The following SLC35F3 variants were observed in gnomAD, a reference collection of about 807,000 sequenced individuals.
SLC35F3 encodes the protein solute carrier family 35 member F3.
In SLC35F3, 25 loss-of-function variants were observed where a neutral mutation model predicts 49.9. The observed-to-expected ratio is 0.50, with a 90% CI of 0.37 to 0.70. SLC35F3 has a LOEUF of 0.70. Among genes scored for constraint, SLC35F3 ranks in the 30% least tolerant of loss-of-function variants. The pLI is 0.00. For synonymous variants in SLC35F3, 275 were observed against 265.4 expected (o/e 1.04, Z -0.35); for missense variants, 525 against 639.8 (o/e 0.82, Z 1.94).
intron 2 of SLC35F3, among the ~76,000 whole-genome samples, chr1:234,180,202 G>A (rs2102923154): frequency 6.6e-6 from 1 of 152,270 alleles, no homozygotes; most frequent in East Asian, 1.9e-4. Flanking sequence ...GGGGCTCTCT[G>A]ACTTCCCTCT....
At chr1:234,203,606 GA>G (rs1666930711) in intron 2 of SLC35F3, among the ~76,000 whole-genome samples, 1 of 152,092 alleles carries the variant, frequency 6.6e-6, no homozygotes, top group Admixed American at 6.5e-5. Context: ...AGCTTCTCAG[GA>G]GGCTGAGGCA....
intron 2 of SLC35F3, among the ~76,000 whole-genome samples, chr1:234,129,132 G>A (rs768056583): frequency 2.6e-5 from 4 of 152,162 alleles, no homozygotes; most frequent in East Asian, 1.9e-4. Flanking sequence ...AAGAAGGCAA[G>A]TAGAAGAAGA....
chr1:234,032,710 A>AT (rs1332501598), intron 2 of SLC35F3, among the ~76,000 whole-genome samples: 5 of 152,116 alleles, frequency 3.3e-5, no homozygotes, highest in Admixed American at 1.3e-4. Context: ...TGGCTGAGTT[A>AT]TTTTTTGTGG....
intron 2 of SLC35F3, among the ~76,000 whole-genome samples, chr1:233,909,362 T>C (rs1311651927): frequency 6.6e-6 from 1 of 152,176 alleles, no homozygotes; most frequent in African/African-American, 2.4e-5. Context: ...CAAATTATCA[T>C]CTGTTGAGTG....
intron 2 of SLC35F3, among the ~76,000 whole-genome samples, chr1:233,947,346 G>C (rs1212524314): frequency 6.6e-6 from 1 of 151,960 alleles, no homozygotes; most frequent in African/African-American, 2.4e-5. Flanking sequence ...AGGGAGGAGA[G>C]AGAGAGAGAG....
At chr1:234,085,486 C>T (rs1664947216) in intron 2 of SLC35F3, among the ~76,000 whole-genome samples, 1 of 152,156 alleles carries the variant, frequency 6.6e-6, no homozygotes, top group Non-Finnish European at 1.5e-5. Flanking sequence ...CCTTATTTCC[C>T]TCTGTCTGAA....
chr1:233,912,764 A>T (rs2102783147), intron 2 of SLC35F3, among the ~76,000 whole-genome samples: 1 of 152,316 alleles, frequency 6.6e-6, no homozygotes, highest in South Asian at 2.1e-4. Context: ...AGATTTCATC[A>T]TGCAACTCAA....
chr1:234,056,897 G>A (rs1664464186), intron 2 of SLC35F3, among the ~76,000 whole-genome samples: 1 of 152,172 alleles, frequency 6.6e-6, no homozygotes, highest in African/African-American at 2.4e-5. Context: ...AGTTGTGCCA[G>A]CATCATTTGT....
intron 3 of SLC35F3, chr1:234,268,954 C>A (rs1272884077): frequency 6.6e-6 from 1 of 152,110 alleles, no homozygotes; most frequent in Non-Finnish European, 1.5e-5. Context: ...CACACAGACA[C>A]ATATATAGTA....
chr1:233,926,717 CT>C (rs1662166703), intron 2 of SLC35F3, among the ~76,000 whole-genome samples: 1 of 152,178 alleles, frequency 6.6e-6, no homozygotes, highest in African/African-American at 2.4e-5. Context: ...AAGAGGTGCT[CT>C]GATTTTTAGA....
At chr1:234,130,916 T>A (rs12117204) in intron 2 of SLC35F3, among the ~76,000 whole-genome samples, 58,492 of 151,814 alleles carry the variant, frequency 0.39, 13,228 homozygotes, top group Non-Finnish European at 0.52. Context: ...AACCAAACTG[T>A]TTTGTGACAA....
At position 234,260,862 on chromosome 1, in the gene SLC35F3, C is replaced by T. The variant is rs374425044; in HGVS notation, c.608+29121C>T. On this transcript the variant is annotated intron_variant, in intron 3 of 7. Transcript: ENST00000366618. ...AGCAAGAACAAGACACTTTACTGCA[C>T]GGACTTCCTGTGTTCGCCTCCCTCG... Among the ~76,000 whole-genome samples the T allele has an allele frequency of 9.8e-5, 15 of 152,290 alleles. 2 individuals carry two copies. The South Asian group carries it at 1.0e-3, about 11-fold the overall frequency.
At chr1:234,082,142 A>G (rs1308638661) in intron 2 of SLC35F3, among the ~76,000 whole-genome samples, 1 of 151,990 alleles carries the variant, frequency 6.6e-6, no homozygotes, top group Admixed American at 6.6e-5. Flanking sequence ...TACAAAACAG[A>G]TTCCATAATA....
At chr1:234,044,581 G>A (rs181018147) in intron 2 of SLC35F3, among the ~76,000 whole-genome samples, 2 of 152,284 alleles carry the variant, frequency 1.3e-5, no homozygotes, top group East Asian at 1.9e-4. Context: ...AATTCCTGCT[G>A]TTCTACAAGG....
chr1:234,226,676 C>A (rs1667290227), intron 2 of SLC35F3, among the ~76,000 whole-genome samples: 1 of 152,164 alleles, frequency 6.6e-6, no homozygotes, highest in African/African-American at 2.4e-5. Flanking sequence ...CTTCAGCTCA[C>A]CCATTGTGAC....
intron 2 of SLC35F3, among the ~76,000 whole-genome samples, chr1:233,958,748 C>T (rs1662745903): frequency 6.6e-6 from 1 of 152,162 alleles, no homozygotes; most frequent in African/African-American, 2.4e-5. Flanking sequence ...CCAAGATTAC[C>T]TTGTGATGTT....
At chr1:234,267,604 C>G (rs1231394926) in intron 3 of SLC35F3, among the ~76,000 whole-genome samples, 2 of 151,126 alleles carry the variant, frequency 1.3e-5, no homozygotes, top group Non-Finnish European at 2.9e-5. Context: ...CCCCTCACCT[C>G]CTGGATGGGG....
rs571384504 is a variant in SLC35F3 at position 233,908,022 on chromosome 1, G to A, written c.283+2264G>A. On this transcript the variant is annotated intron_variant, in intron 2 of 7. Transcript: ENST00000366618. ...ATTATAGGCGTGAGCCACCACGCCC[G>A]GCCCAGAAGAGGTTTTAAGGCAGAA... 7.9e-5 allele frequency among the ~76,000 whole-genome samples: 12 copies of A among 152,286 alleles called. No homozygotes were observed. The East Asian group carries it at 1.2e-3, about 15-fold the overall frequency.
chr1:233,988,134 C>A (rs532296683), intron 2 of SLC35F3, among the ~76,000 whole-genome samples: 1 of 152,166 alleles, frequency 6.6e-6, no homozygotes, highest in Middle Eastern at 3.4e-3. Context: ...TCTGAGAACA[C>A]GAGTGGTATT....
Sources: gnomAD v4.1 joint callset for allele counts (sites outside exome capture counted in the v4.1 genomes callset) on GRCh38, gnomAD v4.1.1 for gene constraint, MANE v1.5 for transcripts, NCBI Gene and HGNC (gene_info 2026-07-23, HGNC 2026-07-21) for gene names.